The following PHKA1 variants were observed in gnomAD, a reference collection of about 807,000 sequenced individuals.
PHKA1 encodes phosphorylase kinase regulatory subunit alpha 1, also known as phosphorylase b kinase regulatory subunit alpha, skeletal muscle isoform.
In PHKA1, 60 loss-of-function variants were observed where a neutral mutation model predicts 110.2. The observed-to-expected ratio is 0.54, with a 90% CI of 0.44 to 0.68. The LOEUF (loss-of-function observed/expected upper bound fraction) is 0.68, where lower values mean the gene tolerates loss of function less well. Among genes scored for constraint, PHKA1 ranks in the 30% least tolerant of loss-of-function variants. The probability of loss-of-function intolerance (pLI) is 0.00; values close to 1 mark genes in which losing one functional copy is unlikely to be tolerated. For synonymous variants in PHKA1, 316 were observed against 333.6 expected (o/e 0.95, Z 0.58); for missense variants, 801 against 942.5 (o/e 0.85, Z 1.97).
chrX:72,707,238 G>T (rs1228279262), intron 2 of PHKA1, among the ~76,000 whole-genome samples: 3 of 111,709 alleles, frequency 2.7e-5, no homozygotes, highest in Non-Finnish European at 5.6e-5. Flanking sequence ...AGGTTTTGTA[G>T]AACATAAAGA....
In PHKA1 at chrX:72,605,507, C is replaced by G. The variant is rs372446940; in HGVS notation, c.2685+34G>C. Reference sequence around the variant, plus strand: ...CAATTGAAAACAAACTTTAAAATATCAGTCACCAGATTAGCCTTTACAATT... The same window carrying G: ...CAATTGAAAACAAACTTTAAAATATGAGTCACCAGATTAGCCTTTACAATT... On this transcript the variant is annotated intron_variant, in intron 24 of 31. Transcript: ENST00000373542. 6.1e-5 allele frequency: 71 copies of G among 1,166,773 alleles called. No individual in the cohort carries two copies. In the African/African-American group the frequency reaches 1.2e-3, roughly 20 times the overall value.
Position 72,605,473 on chromosome X carries a change from T to C in PHKA1, c.2685+68A>G, listed in dbSNP as rs2052715432. On this transcript the variant is annotated intron_variant, in intron 24 of 31. Coordinates refer to ENST00000373542, the MANE Select transcript of PHKA1 (RefSeq NM_002637.4). Reference sequence around the variant, plus strand: ...ATGCCTATTTTGTTGTCTTTGGAAATTGCTAGATCAATTGAAAACAAACTT... The same window carrying C: ...ATGCCTATTTTGTTGTCTTTGGAAACTGCTAGATCAATTGAAAACAAACTT... The C allele has an allele frequency of 8.5e-6, 10 of 1,170,882 alleles. No individual in the cohort carries two copies. In the Admixed American group the frequency reaches 2.2e-4, roughly 26 times the overall value.
intron 2 of PHKA1, among the ~76,000 whole-genome samples, chrX:72,711,066 T>C: frequency 9.3e-6 from 1 of 107,724 alleles, no homozygotes; most frequent in Non-Finnish European, 1.9e-5. Context: ...TTTCACCGTG[T>C]TAGCCAGGAT....
At chrX:72,686,076 T>C (rs1556318762) in intron 4 of PHKA1, among the ~76,000 whole-genome samples, 3 of 112,144 alleles carry the variant, frequency 2.7e-5, no homozygotes, top group African/African-American at 9.7e-5. Flanking sequence ...CTCACATTCT[T>C]AGAAGCATGA....
chrX:72,618,244 G>A (rs1345346179), intron 21 of PHKA1, among the ~76,000 whole-genome samples: 2 of 111,741 alleles, frequency 1.8e-5, no homozygotes, highest in Non-Finnish European at 3.8e-5. Context: ...GGGTTTAGGA[G>A]AGAGGAGTTC....
At chrX:72,623,050 G>A in intron 18 of PHKA1, 59 bp downstream of exon 18, 1 of 1,204,678 alleles carries the variant, frequency 8.3e-7, no homozygotes. Context: ...TAAGGATGGT[G>A]CTAAACAATA....
At chrX:72,622,391 C>T in intron 18 of PHKA1, 9 of 754,038 alleles carry the variant, frequency 1.2e-5, no homozygotes, top group Non-Finnish European at 1.4e-5. Flanking sequence ...TGAAAGCAGG[C>T]AAATCATATT....
intron 8 of PHKA1, 36 bp downstream of exon 8, chrX:72,666,115 C>G: frequency 8.4e-7 from 1 of 1,196,326 alleles, no homozygotes; most frequent in South Asian, 1.8e-5. Context: ...CTTAAAGTCA[C>G]AGCCTTAAAG....
chrX:72,684,716 T>C (rs1276170447), intron 4 of PHKA1, 136 bp from the exon 5 acceptor site: 1 of 480,363 alleles, frequency 2.1e-6, no homozygotes, highest in East Asian at 3.8e-5. Context: ...GGCACTTTGA[T>C]CTTAAACTAT....
intron 2 of PHKA1, among the ~76,000 whole-genome samples, chrX:72,705,772 A>G (rs1450280507): frequency 8.9e-6 from 1 of 112,209 alleles, no homozygotes; most frequent in Non-Finnish European, 1.9e-5. Flanking sequence ...CTTGAAAGAA[A>G]GTCACAAATT....
chrX:72,680,547 G>T (rs2053835545), intron 5 of PHKA1, among the ~76,000 whole-genome samples: 1 of 113,000 alleles, frequency 8.8e-6, no homozygotes, highest in South Asian at 3.5e-4. Flanking sequence ...TACAAAAGCT[G>T]AAATAGTTCA....
chrX:72,614,759 T>TA (rs782608937), intron 21 of PHKA1, among the ~76,000 whole-genome samples: 1 of 111,035 alleles, frequency 9.0e-6, no homozygotes, highest in Non-Finnish European at 1.9e-5. Flanking sequence ...GTTGATGCTG[T>TA]AGCGAGAGGC....
intron 18 of PHKA1, chrX:72,622,500 G>C (rs1277581482): frequency 3.5e-5 from 26 of 751,969 alleles, no homozygotes; most frequent in Non-Finnish European, 3.6e-5. Context: ...TTTTAACACT[G>C]TAGGGTAGTG....
intron 12 of PHKA1, among the ~76,000 whole-genome samples, chrX:72,650,673 T>C (rs1272341346): frequency 8.9e-6 from 1 of 112,304 alleles, no homozygotes; most frequent in Non-Finnish European, 1.9e-5. Context: ...TTAATTGCTA[T>C]TGGCTGCCAC....
intron 23 of PHKA1, among the ~76,000 whole-genome samples, chrX:72,608,184 C>A (rs889365385): frequency 1.9e-4 from 21 of 111,554 alleles, no homozygotes; most frequent in Admixed American, 1.7e-3. Flanking sequence ...TTCAAAGTAG[C>A]AGGTTCCCTT....
chrX:72,586,168 C>T (rs942986149), intron 29 of PHKA1, among the ~76,000 whole-genome samples: 1 of 111,905 alleles, frequency 8.9e-6, no homozygotes, highest in Non-Finnish European at 1.9e-5. Flanking sequence ...ACACCTCCTA[C>T]TAGGGGCTGA....
intron 21 of PHKA1, among the ~76,000 whole-genome samples, chrX:72,612,937 C>T (rs2052834146): frequency 9.0e-6 from 1 of 111,137 alleles, no homozygotes; most frequent in Non-Finnish European, 1.9e-5. Flanking sequence ...TGTGGAGAGA[C>T]ACATGAGGAG....
At chrX:72,641,053 G>A (rs1426401168) in intron 14 of PHKA1, among the ~76,000 whole-genome samples, 1 of 111,024 alleles carries the variant, frequency 9.0e-6, no homozygotes, top group Non-Finnish European at 1.9e-5. Flanking sequence ...ATAGAAAAAC[G>A]TACAGGTCCC....
At chrX:72,681,242 C>T (rs1556314874) in intron 5 of PHKA1, among the ~76,000 whole-genome samples, 1 of 99,493 alleles carries the variant, frequency 1.0e-5, no homozygotes. Context: ...TGAGGAGCGT[C>T]TCTGCCTGGC....
Sources: allele counts gnomAD v4.1 joint callset (sites outside exome capture counted in the v4.1 genomes callset), GRCh38; gene constraint gnomAD v4.1.1; transcripts MANE v1.5; gene names NCBI Gene and HGNC (gene_info 2026-07-23, HGNC 2026-07-21).